The following SGPL1 variants were observed in gnomAD, a reference collection of about 807,000 sequenced individuals.
The protein encoded by SGPL1 is SP-lyase 1.
A neutral mutation model predicts 68.9 loss-of-function variants in SGPL1; 37 were observed. The ratio of observed to expected loss-of-function variants is 0.54; its 90% CI spans 0.41 to 0.71. The LOEUF (loss-of-function observed/expected upper bound fraction) is 0.71. Among genes scored for constraint, SGPL1 ranks in the 30% least tolerant of loss-of-function variants. The probability of loss-of-function intolerance (pLI) is 0.00; values close to 1 mark genes in which losing one functional copy is unlikely to be tolerated. For synonymous variants in SGPL1, 236 were observed against 248.5 expected (o/e 0.95, Z 0.47); for missense variants, 551 against 704.6 (o/e 0.78, Z 2.47).
intron 9 of SGPL1, 96 bp downstream of exon 9, chr10:70,869,993 G>A: frequency 3.4e-6 from 3 of 889,918 alleles, no homozygotes; most frequent in Non-Finnish European, 3.6e-6. Context: ...GGGTCTGACT[G>A]CCTTTGATTG....
chr10:70,827,495 A>C (rs1211689683), intron 2 of SGPL1, among the ~76,000 whole-genome samples: 2 of 152,222 alleles, frequency 1.3e-5, no homozygotes, highest in African/African-American at 4.8e-5. Context: ...TAATATAGCT[A>C]CATCAGCTTT....
intron 5 of SGPL1, among the ~76,000 whole-genome samples, chr10:70,856,175 T>C (rs1044085790): frequency 2.0e-5 from 3 of 152,112 alleles, no homozygotes; most frequent in African/African-American, 7.2e-5. Context: ...TTTGTGTTTT[T>C]AGTAGAGATA....
At chr10:70,825,481 A>G (rs1845416488) in intron 2 of SGPL1, among the ~76,000 whole-genome samples, 1 of 152,172 alleles carries the variant, frequency 6.6e-6, no homozygotes, top group African/African-American at 2.4e-5. Context: ...TGAGGAGATA[A>G]TTCTTGAACA....
In SGPL1 at chr10:70,841,085, A is replaced by G. The variant is rs960266736; in HGVS notation, c.28-3388A>G. On this transcript the variant is annotated intron_variant, in intron 2 of 14. Transcript: ENST00000373202. Reference sequence around the variant, plus strand: ...ACTTTCACACTAGACGAGTCTTTATAATGATAGAAATCATGACATACTTTT... The same window carrying G: ...ACTTTCACACTAGACGAGTCTTTATGATGATAGAAATCATGACATACTTTT... 7.9e-5 allele frequency among the ~76,000 whole-genome samples: 12 copies of G among 152,146 alleles called. 1 individual carries two copies. The highest frequency in any genetic ancestry group is 1.5e-4 in the Non-Finnish European group (10 of 68,020).
intron 2 of SGPL1, among the ~76,000 whole-genome samples, chr10:70,827,480 T>C (rs1354293449): frequency 6.6e-6 from 1 of 152,242 alleles, no homozygotes; most frequent in African/African-American, 2.4e-5. Context: ...ATTTGCTTTT[T>C]GACATAATAT....
chr10:70,821,169 C>A (rs960285556), intron 2 of SGPL1, among the ~76,000 whole-genome samples: 3 of 152,178 alleles, frequency 2.0e-5, no homozygotes, highest in African/African-American at 4.8e-5. Flanking sequence ...ACCTGTGTCT[C>A]ATAGAGAATA....
chr10:70,832,099 C>G (rs892936762), intron 2 of SGPL1, among the ~76,000 whole-genome samples: 2 of 152,210 alleles, frequency 1.3e-5, no homozygotes, highest in Admixed American at 6.5e-5. Context: ...CAGAAGCACA[C>G]TTTCCTGCTC....
chr10:70,873,435 T>G lies in SGPL1; in HGVS notation c.1144T>G (p.Trp382Gly). 1 of 1,614,264 alleles carries G rather than the reference T, an allele frequency of 6.2e-7. No homozygotes were observed. Among genetic ancestry groups the G allele is most frequent in the Non-Finnish European group, 8.5e-7 (1 of 1,180,044 alleles). Residue 382 changes from tryptophan to glycine, a missense_variant, in exon 12 of 15, where the codon TGG (tryptophan) becomes GGG (glycine). Physicochemically the swap from Trp to Gly is radical, Grantham distance 184. Transcript: ENST00000373202. ...RNYQFFVDTDWQGGIYASPTI... is the reference protein window; with the variant it reads ...RNYQFFVDTDGQGGIYASPTI... ...CTATCAGTTCTTCGTCGATACAGAT[T>G]GGCAGGGTGGCATCTATGCTTCCCC...
Position 70,859,320 on chromosome 10 carries a change from C to T in SGPL1, c.487-51C>T, listed in dbSNP as rs191269165. 80 of 1,302,748 alleles carry T rather than the reference C, an allele frequency of 6.1e-5. No individual in the cohort carries two copies. The East Asian group carries it at 2.3e-3, about 38-fold the overall frequency. 80.7% of individuals were successfully genotyped at this position (1,302,748 alleles called of 1,614,324 possible). A position where few individuals can be genotyped will look rare whatever the true frequency, so the allele number is the denominator to read the frequency against. ...TGTTGTTTAGTGCATGATTCTTTGT[C>T]CTGTATAGTGTAATAGTTTTGATTT... On this transcript the variant is annotated intron_variant, in intron 6 of 14. Coordinates refer to ENST00000373202, the MANE Select transcript of SGPL1 (RefSeq NM_003901.4).
At chr10:70,864,912 C>T (rs1490505758) in intron 7 of SGPL1, among the ~76,000 whole-genome samples, 1 of 152,216 alleles carries the variant, frequency 6.6e-6, no homozygotes, top group Non-Finnish European at 1.5e-5. Flanking sequence ...AGAGTTCACT[C>T]TCTTATTTGG....
chr10:70,854,615 C>T, intron 4 of SGPL1, 93 bp from the exon 5 acceptor site: 1 of 1,067,456 alleles, frequency 9.4e-7, no homozygotes, highest in East Asian at 2.4e-5. Context: ...TGTGCGGTGC[C>T]TAGCATTGAG....
At chr10:70,874,532 C>G (rs769879350) in intron 12 of SGPL1, among the ~76,000 whole-genome samples, 3 of 152,164 alleles carry the variant, frequency 2.0e-5, no homozygotes, top group Non-Finnish European at 4.4e-5. Context: ...CAAGACCAGC[C>G]TGACCAACAG....
rs145461178 is a variant in SGPL1 at position 70,821,742 on chromosome 10, A to C, written c.27+4862A>C. 1.6e-4 allele frequency among the ~76,000 whole-genome samples: 24 copies of C among 152,276 alleles called. No homozygotes were observed. The East Asian group carries it at 4.0e-3, about 26-fold the overall frequency. On this transcript the variant is annotated intron_variant, in intron 2 of 14. Transcript: ENST00000373202. ...ACTGGTATGAAGTTTCTTACCATAG[A>C]TACCTGGATATCTGTGTAGTCTATG...
chr10:70,850,495 C>T (rs1388004375), intron 3 of SGPL1, among the ~76,000 whole-genome samples: 3 of 152,144 alleles, frequency 2.0e-5, no homozygotes, highest in South Asian at 4.1e-4. Context: ...TTCTGGAACA[C>T]GTATATCATT....
intron 11 of SGPL1, among the ~76,000 whole-genome samples, chr10:70,872,494 C>T (rs1031854587): frequency 5.3e-5 from 8 of 152,164 alleles, no homozygotes; most frequent in Middle Eastern, 3.2e-3. Flanking sequence ...GAGATGGCCA[C>T]GCCTGCCACC....
chr10:70,871,786 T>C, intron 10 of SGPL1, 51 bp from the exon 11 acceptor site: 2 of 1,577,432 alleles, frequency 1.3e-6, no homozygotes, highest in Non-Finnish European at 1.7e-6. Context: ...GCAGTTTTTA[T>C]TATAGGGCTA....
intron 11 of SGPL1, among the ~76,000 whole-genome samples, chr10:70,872,627 G>A (rs1212436908): frequency 6.6e-6 from 1 of 152,200 alleles, no homozygotes; most frequent in African/African-American, 2.4e-5. Flanking sequence ...TTCAGAGCTT[G>A]TTTTAAACTC....
rs35734922 is a variant in SGPL1 at position 70,819,627 on chromosome 10, C to CTTTTTTT, written c.27+2762_27+2768dup. Among the ~76,000 whole-genome samples the CTTTTTTT allele has an allele frequency of 2.5e-5, 3 of 120,928 alleles. 1 individual carries two copies. Among genetic ancestry groups the CTTTTTTT allele is most frequent in the Non-Finnish European group, 5.2e-5 (3 of 58,252 alleles). The allele number at this position is 120,928 out of a possible 152,430, so 79.3% of individuals were successfully genotyped here. A position where few individuals can be genotyped will look rare whatever the true frequency, so the allele number is the denominator to read the frequency against. On this transcript the variant is annotated intron_variant, in intron 2 of 14. Coordinates refer to ENST00000373202, the MANE Select transcript of SGPL1 (RefSeq NM_003901.4). Reference sequence around the variant, plus strand: ...TAGTCTTAGAAGTCATGGGATGCAGCTTTTTTTTTTTTTTTTTTTTTGAGA... The same window carrying CTTTTTTT: ...TAGTCTTAGAAGTCATGGGATGCAGCTTTTTTTTTTTTTTTTTTTTTTTTTTTTGAGA...
chr10:70,853,472 C>G (rs930972114), intron 4 of SGPL1, among the ~76,000 whole-genome samples: 1 of 152,208 alleles, frequency 6.6e-6, no homozygotes, highest in African/African-American at 2.4e-5. Context: ...AGCAGCAGCC[C>G]CTGCCCTTCT....
Sources: allele counts gnomAD v4.1 joint callset (sites outside exome capture counted in the v4.1 genomes callset), GRCh38; gene constraint gnomAD v4.1.1; transcripts MANE v1.5; gene names NCBI Gene and HGNC (gene_info 2026-07-23, HGNC 2026-07-21).